The following ZNF729 variants were observed in gnomAD, a reference collection of about 807,000 sequenced individuals.
ZNF729 encodes zinc finger protein 729.
In ZNF729, 15 loss-of-function variants were observed where a neutral mutation model predicts 12.2. The observed-to-expected ratio is 1.23, with a 90% CI of 0.82 to 1.89. The LOEUF (loss-of-function observed/expected upper bound fraction) is 1.89, where lower values mean the gene tolerates loss of function less well. ZNF729 is among the 40% of genes most tolerant of loss of function. The probability of loss-of-function intolerance (pLI) is 0.00; values close to 1 mark genes in which losing one functional copy is unlikely to be tolerated. For synonymous variants in ZNF729, 492 were observed against 476.3 expected (o/e 1.03, Z -0.43); for missense variants, 1,540 against 1,456.7 (o/e 1.06, Z -0.93).
At chr19:22,306,800 T>C (rs564845764) in intron 3 of ZNF729, among the ~76,000 whole-genome samples, 36 of 151,444 alleles carry the variant, frequency 2.4e-4, no homozygotes, top group Non-Finnish European at 4.9e-4. Context: ...GTTTTTATAT[T>C]CTATAGAAGA....
At chr19:22,304,215 A>G (rs1287269526) in intron 2 of ZNF729, among the ~76,000 whole-genome samples, 2 of 151,698 alleles carry the variant, frequency 1.3e-5, no homozygotes, top group Non-Finnish European at 2.9e-5. Context: ...ATTTTTTTGT[A>G]TTTGTAGTAG....
chr19:22,303,801 A>G lies in ZNF729; in HGVS notation c.74A>G (p.Glu25Gly). The change falls in exon 2 of 4, where the codon GAG becomes GGG. Residue 25 changes from glutamate to glycine, a missense_variant. By Grantham distance (98) the Glu-to-Gly change is moderately conservative. Coordinates refer to ENST00000601693, the MANE Select transcript of ZNF729 (RefSeq NM_001242680.2). ...FRDVTIEFSL[E>G]EWQCLDTVQQ... ...GATGTGACCATAGAATTCTCTCTGGAGGAGTGGCAATGCCTGGACACGGTT... is the reference window on the plus strand; with the variant it reads ...GATGTGACCATAGAATTCTCTCTGGGGGAGTGGCAATGCCTGGACACGGTT... The G allele has an allele frequency of 6.3e-7, 1 of 1,575,744 alleles. No individual in the cohort carries two copies.
Position 22,316,969 on chromosome 19 carries a change from A to C in ZNF729, c.3552A>C (p.Gly1184=). The C allele has an allele frequency of 6.2e-7, 1 of 1,612,716 alleles. No individual in the cohort carries two copies. Among genetic ancestry groups the C allele is most frequent in the Non-Finnish European group, 8.5e-7 (1 of 1,179,902 alleles). Residue 1184 remains glycine (G), a synonymous_variant, in exon 4 of 4, where the codon GGA becomes GGC. Transcript: ENST00000601693. The stretch of plus-strand genomic sequence containing the variant: ...CTAGACACAAAACAATTCATACTGG[A>C]GAGAAACCCTACAAATGTGAAGAAT... The part of the protein sequence containing the change: ...HLTRHKTIHT[G]EKPYKCEECG...
At chr19:22,312,538 TTG>T (rs1568576380) in intron 3 of ZNF729, among the ~76,000 whole-genome samples, 1 of 151,842 alleles carries the variant, frequency 6.6e-6, no homozygotes. Flanking sequence ...CATCTATTTT[TTG>T]TGTGTGTGGT....
intron 1 of ZNF729, among the ~76,000 whole-genome samples, chr19:22,292,212 T>G (rs968386955): frequency 2.0e-5 from 3 of 152,162 alleles, no homozygotes; most frequent in African/African-American, 7.2e-5. Flanking sequence ...CACCCTTAAC[T>G]AGAACTCAGT....
chr19:22,287,627 C>T (rs1293870241), intron 1 of ZNF729, among the ~76,000 whole-genome samples: 2 of 151,696 alleles, frequency 1.3e-5, no homozygotes, highest in Admixed American at 1.3e-4. Context: ...TAATTGCCTG[C>T]CACTTAATTA....
At chr19:22,305,263 A>G (rs1048986626) in intron 3 of ZNF729, among the ~76,000 whole-genome samples, 3 of 152,206 alleles carry the variant, frequency 2.0e-5, no homozygotes, top group African/African-American at 7.2e-5. Context: ...CTTCTTGTAC[A>G]GTCTGCTGAA....
In ZNF729 at chr19:22,304,731, A is replaced by G; in HGVS notation, c.201A>G (p.Gln67=). ...CAGACTTGATAACTTGTCTGAAGCAAGGGAAAGAGCCTTGGAATATGAAGA... is the reference window on the plus strand; with the variant it reads ...CAGACTTGATAACTTGTCTGAAGCAGGGGAAAGAGCCTTGGAATATGAAGA... ...FKPDLITCLK[Q]GKEPWNMKRH... The change falls in exon 3 of 4, where the codon CAA becomes CAG. Residue 67 remains glutamine, a synonymous_variant. Coordinates refer to ENST00000601693, the MANE Select transcript of ZNF729 (RefSeq NM_001242680.2). 2 of 1,613,476 alleles carry G rather than the reference A, an allele frequency of 1.2e-6. No individual in the cohort carries two copies. Among genetic ancestry groups the G allele is most frequent in the South Asian group, 2.2e-5 (2 of 90,892 alleles).
chr19:22,312,858 C>A (rs1045472443), intron 3 of ZNF729, among the ~76,000 whole-genome samples: 1 of 152,100 alleles, frequency 6.6e-6, no homozygotes, highest in Non-Finnish European at 1.5e-5. Flanking sequence ...GGATTTCAGG[C>A]GTGTGCCACC....
chr19:22,290,457 G>A (rs933923424), intron 1 of ZNF729, among the ~76,000 whole-genome samples: 16 of 152,212 alleles, frequency 1.1e-4, no homozygotes. Flanking sequence ...AGATCTTCAA[G>A]GATTGCAAAG....
At chr19:22,304,536 A>G (rs1968355709) in intron 2 of ZNF729, among the ~76,000 whole-genome samples, 152 bp from the exon 3 acceptor site, 1 of 152,208 alleles carries the variant, frequency 6.6e-6, no homozygotes, top group African/African-American at 2.4e-5. Flanking sequence ...GGCCTGTACA[A>G]ATTGAAAATA....
rs79468374 is a variant in ZNF729 at position 22,317,065 on chromosome 19, A to C, written c.3648A>C (p.Thr1216=). ...HKTIHTREKP[T]NVKKVPKLLS... is the part of the protein sequence containing the mutation. ...CAATTCATACCAGAGAGAAACCTAC[A>C]AATGTGAAGAAAGTACCAAAGCTTT... The change falls in exon 4 of 4, where the codon ACA becomes ACC. Residue 1216 remains threonine (T), a synonymous_variant. Transcript: ENST00000601693. 5,058 of 1,605,874 alleles carry C rather than the reference A, an allele frequency of 3.1e-3. 155 individuals carry two copies. In the African/African-American group the frequency reaches 0.061, roughly 19 times the overall value.
chr19:22,292,333 TCC>T (rs1330853849), intron 1 of ZNF729, among the ~76,000 whole-genome samples: 54 of 152,228 alleles, frequency 3.5e-4, no homozygotes, highest in African/African-American at 1.2e-3. Context: ...GATAATGGTC[TCC>T]AGCTCCATCC....
rs538175767 is a variant in ZNF729, at chr19:22,314,315, G to A, written c.898G>A (p.Ala300Thr). The change falls in exon 4 of 4, where the codon GCT (alanine) becomes ACT (threonine). Residue 300 changes from alanine (A) to threonine (T), a missense_variant. By Grantham distance (58) the Ala-to-Thr change is moderately conservative (BLOSUM62 0). Coordinates refer to ENST00000601693, the MANE Select transcript of ZNF729 (RefSeq NM_001242680.2). The stretch of plus-strand genomic sequence containing the variant: ...CTACAAATGTGAAGAATGTGGCAAA[G>A]CTTTTAAGGGGTCCTCAAATTTTAA... ...KTYKCEECGK[A>T]FKGSSNFNAH... 4.3e-6 allele frequency: 7 copies of A among 1,610,430 alleles called. No individual in the cohort carries two copies. The African/African-American group carries it at 5.3e-5, about 12-fold the overall frequency.
chr19:22,295,030 C>G (rs1446661020), intron 1 of ZNF729, among the ~76,000 whole-genome samples: 2 of 126,364 alleles, frequency 1.6e-5, no homozygotes, highest in Non-Finnish European at 3.1e-5. Flanking sequence ...AGGTGTACTC[C>G]TAGATATTTG....
chr19:22,309,369 C>T (rs2145054694), intron 3 of ZNF729, among the ~76,000 whole-genome samples: 1 of 152,220 alleles, frequency 6.6e-6, no homozygotes, highest in East Asian at 1.9e-4. Context: ...TGCTTGAATC[C>T]AGGAGGCAGA....
chr19:22,313,282 T>A lies in ZNF729; in HGVS notation c.254-389T>A, dbSNP rs1968473524. 6.6e-5 allele frequency among the ~76,000 whole-genome samples: 10 copies of A among 151,594 alleles called. No homozygotes were observed. In the South Asian group the frequency reaches 2.1e-3, roughly 32 times the overall value. On this transcript the variant is annotated intron_variant, in intron 3 of 3. Coordinates refer to ENST00000601693, the MANE Select transcript of ZNF729 (RefSeq NM_001242680.2). ...GACCAGGCTGGTCTTGAACTCTTGA[T>A]CTCAGGTAATCCACTTGCCTTGGCC...
intron 1 of ZNF729, among the ~76,000 whole-genome samples, chr19:22,301,368 T>C (rs1053419943): frequency 2.0e-5 from 3 of 152,204 alleles, no homozygotes; most frequent in African/African-American, 7.2e-5. Context: ...ATCTATATTT[T>C]CTCAGCTTTT....
chr19:22,299,536 A>T (rs1282677374), intron 1 of ZNF729: 1 of 152,086 alleles, frequency 6.6e-6, no homozygotes, highest in Non-Finnish European at 1.5e-5. Flanking sequence ...GCCTAAACTG[A>T]GTTTTTACTT....
Sources: gnomAD v4.1 joint callset for allele counts (sites outside exome capture counted in the v4.1 genomes callset) on GRCh38, gnomAD v4.1.1 for gene constraint, MANE v1.5 for transcripts, NCBI Gene and HGNC (gene_info 2026-07-23, HGNC 2026-07-21) for gene names.